The following PRKG1 variants were observed in gnomAD, a reference collection of about 807,000 sequenced individuals.
PRKG1 encodes protein kinase cGMP-dependent 1, also known as cGMP-dependent protein kinase 1.
Under a neutral mutation model 88.1 loss-of-function variants are expected in PRKG1, and 35 were observed. The ratio of observed to expected loss-of-function variants is 0.40; its 90% confidence interval spans 0.30 to 0.53. PRKG1 has a LOEUF of 0.53. Among genes scored for constraint, PRKG1 ranks in the 20% least tolerant of loss-of-function variants. The pLI is 0.59. For synonymous variants in PRKG1, 303 were observed against 292.5 expected (o/e 1.04, Z -0.37); for missense variants, 540 against 839.8 (o/e 0.64, Z 4.41).
In PRKG1 at chr10:52,107,203, A is replaced by T. The variant is rs368569692; in HGVS notation, c.936-26637A>T. On this transcript the variant is annotated intron_variant, in intron 7 of 17. Coordinates refer to ENST00000373980, the MANE Select transcript of PRKG1 (RefSeq NM_006258.4). Reference sequence around the variant, plus strand: ...TAACCAATAGAATGACCAGAACAAGATGTTACCCAGAAGGGGAGAAATATC... The same window carrying T: ...TAACCAATAGAATGACCAGAACAAGTTGTTACCCAGAAGGGGAGAAATATC... Among the ~76,000 whole-genome samples the T allele has an allele frequency of 1.2e-4, 18 of 152,330 alleles. No homozygotes were observed. In the South Asian group the frequency reaches 1.2e-3, roughly 11 times the overall value.
chr10:51,303,124 A>C (rs1840936760), intron 2 of PRKG1, among the ~76,000 whole-genome samples: 1 of 152,152 alleles, frequency 6.6e-6, no homozygotes, highest in South Asian at 2.1e-4. Context: ...TCAAGAATAT[A>C]CCCAGAGAAA....
At chr10:51,415,415 T>A (rs974053683) in intron 2 of PRKG1, among the ~76,000 whole-genome samples, 1 of 152,180 alleles carries the variant, frequency 6.6e-6, no homozygotes, top group African/African-American at 2.4e-5. Flanking sequence ...ATCTTTGCTG[T>A]TTCTGATGCT....
At chr10:51,948,325 T>C (rs542333928) in intron 5 of PRKG1, among the ~76,000 whole-genome samples, 1 of 152,292 alleles carries the variant, frequency 6.6e-6, no homozygotes, top group South Asian at 2.1e-4. Flanking sequence ...ATATATACTG[T>C]TTATTTTTGC....
At chr10:51,434,784 G>A (rs138264807) in intron 2 of PRKG1, among the ~76,000 whole-genome samples, 1 of 152,214 alleles carries the variant, frequency 6.6e-6, no homozygotes, top group East Asian at 1.9e-4. Flanking sequence ...CTAATTTTCT[G>A]ATGGTTGTTT....
intron 4 of PRKG1, among the ~76,000 whole-genome samples, chr10:51,820,423 C>T (rs541019273): frequency 1.3e-5 from 2 of 152,302 alleles, no homozygotes; most frequent in South Asian, 2.1e-4. Context: ...TGAAAGACAA[C>T]ATAACCTCAA....
intron 3 of PRKG1, among the ~76,000 whole-genome samples, chr10:51,684,510 C>A (rs994362480): frequency 4.6e-5 from 7 of 152,032 alleles, no homozygotes; most frequent in Admixed American, 3.3e-4. Context: ...TAAAAAAAGA[C>A]ACCATGGGAA....
intron 4 of PRKG1, among the ~76,000 whole-genome samples, chr10:51,821,123 T>C (rs961453958): frequency 3.9e-5 from 6 of 152,186 alleles, no homozygotes; most frequent in Non-Finnish European, 8.8e-5. Context: ...CTTCTGTGTC[T>C]GGTTTCTTTT....
chr10:51,669,875 G>A (rs1840514528), intron 3 of PRKG1, among the ~76,000 whole-genome samples: 1 of 152,106 alleles, frequency 6.6e-6, no homozygotes, highest in Non-Finnish European at 1.5e-5. Flanking sequence ...TTGTACATAT[G>A]CCCCTTCAAC....
At position 51,126,716 on chromosome 10, in the gene PRKG1, A is replaced by G. The variant is rs149190657; in HGVS notation, c.312-26448A>G. Among the ~76,000 whole-genome samples the G allele has an allele frequency of 4.4e-3, 665 of 152,186 alleles. 5 individuals carry two copies. Among genetic ancestry groups the G allele is most frequent in the Middle Eastern group, 6.8e-3 (2 of 294 alleles). ...GCATCAGGCTACCTGACTTCAAACT[A>G]TACTACAAGGCTACAGTAACCAAAA... On this transcript the variant is annotated intron_variant, in intron 1 of 17. Coordinates refer to ENST00000373980, the MANE Select transcript of PRKG1 (RefSeq NM_006258.4).
intron 9 of PRKG1, among the ~76,000 whole-genome samples, chr10:52,209,019 G>A (rs190906838): frequency 8.1e-4 from 123 of 152,220 alleles, no homozygotes; most frequent in African/African-American, 2.8e-3. Flanking sequence ...GCTTAAGAGC[G>A]AGAAAATGAT....
At chr10:51,209,018 T>A (rs937189491) in intron 2 of PRKG1, among the ~76,000 whole-genome samples, 1 of 152,158 alleles carries the variant, frequency 6.6e-6, no homozygotes, top group African/African-American at 2.4e-5. Context: ...GGCAGATTTA[T>A]AAAATGGGTC....
intron 2 of PRKG1, among the ~76,000 whole-genome samples, chr10:51,396,911 A>G (rs1358879886): frequency 6.6e-6 from 1 of 152,182 alleles, no homozygotes; most frequent in African/African-American, 2.4e-5. Flanking sequence ...TTCAAGATAA[A>G]TAATATTTTA....
intron 5 of PRKG1, among the ~76,000 whole-genome samples, chr10:52,011,689 A>G (rs1844883105): frequency 6.6e-6 from 1 of 152,186 alleles, no homozygotes; most frequent in Non-Finnish European, 1.5e-5. Context: ...TGGTTGACAG[A>G]GCAGATTTTT....
At chr10:52,147,779 G>T (rs1294073006) in intron 8 of PRKG1, among the ~76,000 whole-genome samples, 2 of 152,084 alleles carry the variant, frequency 1.3e-5, no homozygotes, top group African/African-American at 2.4e-5. Context: ...AAAAGGGAAA[G>T]GTCATAGATA....
intron 2 of PRKG1, among the ~76,000 whole-genome samples, chr10:51,258,386 A>G (rs1241324210): frequency 6.6e-6 from 1 of 152,082 alleles, no homozygotes; most frequent in Admixed American, 6.6e-5. Flanking sequence ...TAAATAAATG[A>G]TTTTCTTTCT....
intron 5 of PRKG1, among the ~76,000 whole-genome samples, chr10:51,996,239 C>T (rs186864391): frequency 7.2e-5 from 10 of 139,796 alleles, no homozygotes; most frequent in Admixed American, 5.6e-4. Context: ...CGCTTGAACC[C>T]GGGCAGTGGA....
At chr10:51,071,563 A>T (rs1435011723), upstream of PRKG1, among the ~76,000 whole-genome samples, 1 of 152,194 alleles carries the variant, frequency 6.6e-6, no homozygotes, top group Non-Finnish European at 1.5e-5. Flanking sequence ...CCTGGAACAG[A>T]TTTTATATCA....
intron 2 of PRKG1, among the ~76,000 whole-genome samples, chr10:51,284,882 T>TTC: frequency 6.7e-6 from 1 of 148,582 alleles, no homozygotes; most frequent in South Asian, 2.1e-4. Flanking sequence ...TTTTTTTTTT[T>TTC]TTTTTAAGCT....
intron 1 of PRKG1, among the ~76,000 whole-genome samples, chr10:51,010,148 T>C (rs1842977110): frequency 6.6e-6 from 1 of 152,208 alleles, no homozygotes; most frequent in Admixed American, 6.5e-5. Context: ...GAAGTTGTGT[T>C]AAGAATGTAG....
Sources: allele counts gnomAD v4.1 joint callset (sites outside exome capture counted in the v4.1 genomes callset), GRCh38; gene constraint gnomAD v4.1.1; transcripts MANE v1.5; gene names NCBI Gene and HGNC (gene_info 2026-07-23, HGNC 2026-07-21).